The following OR2T6 variants were observed in gnomAD, a reference collection of about 807,000 sequenced individuals.
OR2T6 encodes olfactory receptor family 2 subfamily T member 6, also known as olfactory receptor 2T6.
For synonymous variants in OR2T6, 174 were observed against 148.0 expected (o/e 1.18, Z -1.27); for missense variants, 424 against 391.6 (o/e 1.08, Z -0.70).
rs1266752687 is a variant in OR2T6 at position 248,391,585 on chromosome 1, A to G, written c.*3050A>G. 1 of 152,220 alleles carries G rather than the reference A, an allele frequency of 6.6e-6. No homozygotes were observed. The highest frequency in any genetic ancestry group is 1.5e-5 in the Non-Finnish European group (1 of 68,050). 9.4% of individuals were successfully genotyped at this position (152,220 alleles called of 1,614,324 possible). A position where few individuals can be genotyped will look rare whatever the true frequency, so the allele number is the denominator to read the frequency against. On this transcript the variant is annotated 3_prime_UTR_variant, in exon 3 of 3. Transcript: ENST00000641644. Reference sequence around the variant, plus strand: ...ACTATGTATTTGTGGAAAAAAACATACAACTCTGGAACAGAAAGACTCATC... The same window carrying G: ...ACTATGTATTTGTGGAAAAAAACATGCAACTCTGGAACAGAAAGACTCATC...
At chr1:248,382,982 T>C (rs1176474584) in intron 1 of OR2T6, among the ~76,000 whole-genome samples, 6 of 152,268 alleles carry the variant, frequency 3.9e-5, no homozygotes. Flanking sequence ...TTAATTGTCA[T>C]GGGTAAAGCA....
chr1:248,378,245 G>C (rs1481351343), intron 1 of OR2T6, among the ~76,000 whole-genome samples: 1 of 152,174 alleles, frequency 6.6e-6, no homozygotes, highest in East Asian at 1.9e-4. Flanking sequence ...AGCAGTGTGT[G>C]ATGTTCCCCG....
chr1:248,387,497 A>G, intron 2 of OR2T6, 108 bp from the exon 3 acceptor site: 1 of 657,050 alleles, frequency 1.5e-6, no homozygotes, highest in Non-Finnish European at 2.4e-6. Flanking sequence ...TATTAGCTAC[A>G]TAAAAGATTT....
Position 248,387,978 on chromosome 1 carries a change from G to C in OR2T6, c.370G>C (p.Val124Leu). 1 of 1,610,024 alleles carries C rather than the reference G, an allele frequency of 6.2e-7. No individual in the cohort carries two copies. ...LLGLMAYDRYVAICNPLRYPV... is the reference protein window; with the variant it reads ...LLGLMAYDRYLAICNPLRYPV... Reference sequence around the variant, plus strand: ...GGGGCTCATGGCCTATGACCGCTACGTGGCCATCTGCAACCCACTGCGCTA... The same window carrying C: ...GGGGCTCATGGCCTATGACCGCTACCTGGCCATCTGCAACCCACTGCGCTA... Residue 124 changes from valine (V) to leucine (L), a missense_variant, in exon 3 of 3, where the codon GTG (valine) becomes CTG (leucine). Physicochemically the swap from Val to Leu is conservative, Grantham distance 32 (BLOSUM62 1). Coordinates refer to ENST00000641644, the MANE Select transcript of OR2T6 (RefSeq NM_001005471.2).
rs949887041 is a variant in OR2T6, at chr1:248,389,279, T to C, written c.*744T>C. On this transcript the variant is annotated 3_prime_UTR_variant, in exon 3 of 3. Transcript: ENST00000641644. The stretch of plus-strand genomic sequence containing the variant: ...TAACTAGCAGTTTCTGTAATCACTT[T>C]ACAGCTTCTTCTCCAATTCACTAGC... The C allele has an allele frequency of 8.5e-5, 13 of 152,254 alleles. No homozygotes were observed. Among genetic ancestry groups the C allele is most frequent in the Non-Finnish European group, 2.9e-5 (2 of 68,048 alleles). 9.4% of individuals were successfully genotyped at this position (152,254 alleles called of 1,614,324 possible).
chr1:248,378,900 C>T lies in OR2T6; in HGVS notation c.-159+2846C>T, dbSNP rs562123575. On this transcript the variant is annotated intron_variant, in intron 1 of 2. Coordinates refer to ENST00000641644, the MANE Select transcript of OR2T6 (RefSeq NM_001005471.2). ...TAGAAATTTTTTTTGTGTCTGGGTG[C>T]GGTAGCTCATGTCTGTAATCCCAAT... Among the ~76,000 whole-genome samples the T allele has an allele frequency of 2.0e-5, 3 of 152,062 alleles. No individual in the cohort carries two copies. The East Asian group carries it at 5.8e-4, about 29-fold the overall frequency.
intron 2 of OR2T6, 147 bp from the exon 3 acceptor site, chr1:248,387,458 A>T (rs1262922772): frequency 2.2e-6 from 1 of 457,216 alleles, no homozygotes; most frequent in Non-Finnish European, 3.8e-6. Flanking sequence ...AAAGGAAGCT[A>T]CAAATCTACC....
At chr1:248,385,961 C>T (rs1422989953) in intron 2 of OR2T6, among the ~76,000 whole-genome samples, 3 of 152,160 alleles carry the variant, frequency 2.0e-5, no homozygotes, top group South Asian at 2.1e-4. Flanking sequence ...GATCAGGAAA[C>T]GGGCTCTAAG....
rs1661198527 is a variant in OR2T6, at chr1:248,388,852, TA to T, written c.*319del. 1 of 326,550 alleles carries T rather than the reference TA, an allele frequency of 3.1e-6. No homozygotes were observed. Among genetic ancestry groups the T allele is most frequent in the Non-Finnish European group, 5.6e-6 (1 of 179,532 alleles). 20.2% of individuals were successfully genotyped at this position (326,550 alleles called of 1,614,324 possible). ...ATATGAATGCCCCAAAATGTTGAGT[TA>T]ATATTACATATTCTGCCCATTTTCA... On this transcript the variant is annotated 3_prime_UTR_variant, in exon 3 of 3. Transcript: ENST00000641644.
At chr1:248,382,533 T>C (rs1187374053) in intron 1 of OR2T6, among the ~76,000 whole-genome samples, 4 of 46,060 alleles carry the variant, frequency 8.7e-5, no homozygotes, top group Non-Finnish European at 1.4e-4. Flanking sequence ...CCTTTCTTTC[T>C]TTCTTTTTTT....
chr1:248,378,667 G>A (rs1307620434), intron 1 of OR2T6, among the ~76,000 whole-genome samples: 1 of 152,108 alleles, frequency 6.6e-6, no homozygotes, highest in African/African-American at 2.4e-5. Context: ...TGGTCCTACA[G>A]AGGTCAAAGT....
Position 248,390,238 on chromosome 1 carries a change from A to C in OR2T6, c.*1703A>C, listed in dbSNP as rs1408355752. On this transcript the variant is annotated 3_prime_UTR_variant, in exon 3 of 3. Transcript: ENST00000641644. ...TACGTCAAGGGTGTTCTATACACTT[A>C]GTATGATTTCTTTTTAAGTGGCTAA... 6.6e-6 allele frequency: 1 copy of C among 152,216 alleles called. No homozygotes were observed. Among genetic ancestry groups the C allele is most frequent in the African/African-American group, 2.4e-5 (1 of 41,446 alleles). The allele number at this position is 152,216 out of a possible 1,614,324, so 9.4% of individuals were successfully genotyped here. A position where few individuals can be genotyped will look rare whatever the true frequency, so the allele number is the denominator to read the frequency against.
chr1:248,386,326 A>G (rs984403944), intron 2 of OR2T6, among the ~76,000 whole-genome samples: 2 of 152,200 alleles, frequency 1.3e-5, no homozygotes, highest in Non-Finnish European at 2.9e-5. Flanking sequence ...TCTGGCCTAC[A>G]AGATCTTTTA....
chr1:248,388,364 T>C lies in OR2T6; in HGVS notation c.756T>C (p.Tyr252=), dbSNP rs1661186603. 6 of 1,613,608 alleles carry C rather than the reference T, an allele frequency of 3.7e-6. No individual in the cohort carries two copies. Among genetic ancestry groups the C allele is most frequent in the Non-Finnish European group, 5.1e-6 (6 of 1,179,698 alleles). The change falls in exon 3 of 3, where the codon TAT becomes TAC. Residue 252 remains tyrosine (Y), a synonymous_variant. Coordinates refer to ENST00000641644, the MANE Select transcript of OR2T6 (RefSeq NM_001005471.2). ...SSHMMVVTLF[Y]GAALYTYTLP... ...ACATGATGGTGGTGACATTGTTCTATGGGGCTGCCTTGTATACGTATACGC... is the reference window on the plus strand; with the variant it reads ...ACATGATGGTGGTGACATTGTTCTACGGGGCTGCCTTGTATACGTATACGC...
Position 248,387,979 on chromosome 1 carries a change from T to A in OR2T6, c.371T>A (p.Val124Glu), listed in dbSNP as rs1487760845. 1 of 1,610,230 alleles carries A rather than the reference T, an allele frequency of 6.2e-7. No individual in the cohort carries two copies. The highest frequency in any genetic ancestry group is 8.5e-7 in the Non-Finnish European group (1 of 1,178,052). The change falls in exon 3 of 3, where the codon GTG becomes GAG. Residue 124 changes from valine (V) to glutamate (E), a missense_variant. By Grantham distance (121) the Val-to-Glu change is moderately radical. Coordinates refer to ENST00000641644, the MANE Select transcript of OR2T6 (RefSeq NM_001005471.2). ...GGGCTCATGGCCTATGACCGCTACG[T>A]GGCCATCTGCAACCCACTGCGCTAT... is the stretch of plus-strand genomic sequence containing the variant. ...LLGLMAYDRY[V>E]AICNPLRYPV...
At chr1:248,379,483 A>T (rs1660997006) in intron 1 of OR2T6, among the ~76,000 whole-genome samples, 1 of 152,150 alleles carries the variant, frequency 6.6e-6, no homozygotes, top group Non-Finnish European at 1.5e-5. Context: ...CACAATCAAA[A>T]CTTGATCTTT....
Position 248,384,812 on chromosome 1 carries a change from C to T in OR2T6, c.-57C>T. On this transcript the variant is annotated 5_prime_UTR_variant, in exon 2 of 3. Transcript: ENST00000641644. The stretch of plus-strand genomic sequence containing the variant: ...TGGGTGGACAGTGGACAGAATAAAT[C>T]TTCAGCCCGTTTTTCCCCTCACCAC... The T allele has an allele frequency of 6.9e-6, 1 of 145,460 alleles. No individual in the cohort carries two copies. The highest frequency in any genetic ancestry group is 1.9e-4 in the East Asian group (1 of 5,188). The allele number at this position is 145,460 out of a possible 1,614,324, so 9.0% of individuals were successfully genotyped here. A position where few individuals can be genotyped will look rare whatever the true frequency, so the allele number is the denominator to read the frequency against.
chr1:248,381,473 T>C (rs971885340), intron 1 of OR2T6, among the ~76,000 whole-genome samples: 5 of 152,098 alleles, frequency 3.3e-5, no homozygotes, highest in Non-Finnish European at 2.9e-5. Context: ...AATAAATACT[T>C]GAATGTATAA....
chr1:248,383,582 A>G (rs1464879867), intron 1 of OR2T6, among the ~76,000 whole-genome samples: 54 of 99,118 alleles, frequency 5.4e-4, no homozygotes, highest in African/African-American at 1.1e-3. Context: ...GTGTTTCCTA[A>G]TGTTATTGTC....
Sources: allele counts gnomAD v4.1 joint callset (sites outside exome capture counted in the v4.1 genomes callset), GRCh38; gene constraint gnomAD v4.1.1; transcripts MANE v1.5; gene names NCBI Gene and HGNC (gene_info 2026-07-23, HGNC 2026-07-21).